The following KIRREL3 variants were observed in gnomAD, a reference collection of about 807,000 sequenced individuals.
KIRREL3 encodes kirre like nephrin family adhesion molecule 3.
A neutral mutation model predicts 89.7 loss-of-function variants in KIRREL3; 36 were observed. The ratio of observed to expected loss-of-function variants is 0.40; its 90% CI spans 0.31 to 0.53. The LOEUF is 0.53. Among genes scored for constraint, KIRREL3 ranks in the 20% least tolerant of loss-of-function variants. KIRREL3 has a pLI of 0.49. For synonymous variants in KIRREL3, 445 were observed against 441.4 expected, an observed-to-expected ratio of 1.01 and a Z score of -0.10; for missense variants, 864 against 1,056.6, an observed-to-expected ratio of 0.82 and a Z score of 2.53.
rs377593651 is a variant in KIRREL3 at position 126,535,074 on chromosome 11, C to T, written c.134-8387G>A. Among the ~76,000 whole-genome samples the T allele has an allele frequency of 6.6e-6, 1 of 151,976 alleles. No homozygotes were observed. The highest frequency in any genetic ancestry group is 2.4e-5 in the African/African-American group (1 of 41,382). The stretch of plus-strand genomic sequence containing the variant: ...GGGCAGGAGGTGGAGCATTTGGTGG[C>T]CTTTTGGGGGCTCTGGTTATGGGGC... On this transcript the variant is annotated intron_variant, in intron 2 of 16. Transcript: ENST00000525144. This position sits in a 1 kb window ranked among gnomAD's most constrained non-coding sequence, Gnocchi z 4.5.
In KIRREL3 at chr11:126,475,324, C is replaced by T. The variant is rs546410176; in HGVS notation, c.434-1858G>A. On this transcript the variant is annotated intron_variant, in intron 4 of 16. Coordinates refer to ENST00000525144, the MANE Select transcript of KIRREL3 (RefSeq NM_032531.4). This position sits in a 1 kb window ranked among gnomAD's most constrained non-coding sequence, Gnocchi z 7.5. ...CCCTCCCCTTCTCAGGGGATCGCCC[C>T]GTCAGCCCTTCTCCTAGTCCACTCC... 1.5e-4 allele frequency among the ~76,000 whole-genome samples: 23 copies of T among 152,274 alleles called. No individual in the cohort carries two copies. The highest frequency in any genetic ancestry group is 1.2e-3 in the East Asian group (6 of 5,172).
In KIRREL3 at chr11:126,476,037, T is replaced by C. The variant is rs1428997427; in HGVS notation, c.434-2571A>G. Among the ~76,000 whole-genome samples, 1 of 152,180 alleles carries C rather than the reference T, an allele frequency of 6.6e-6. No individual in the cohort carries two copies. Among genetic ancestry groups the C allele is most frequent in the Non-Finnish European group, 1.5e-5 (1 of 68,016 alleles). On this transcript the variant is annotated intron_variant, in intron 4 of 16. Transcript: ENST00000525144. This position sits in a 1 kb window ranked among gnomAD's most constrained non-coding sequence, Gnocchi z 6.4. The stretch of plus-strand genomic sequence containing the variant: ...CTTCCCAGTGACTGTGGAAAGTGCC[T>C]GAGAGCAGAGGGTGGAGCAGGAAGC...
intron 6 of KIRREL3, among the ~76,000 whole-genome samples, chr11:126,456,688 C>T (rs542650179): frequency 1.2e-4 from 18 of 152,258 alleles, no homozygotes; most frequent in Middle Eastern, 3.4e-3. Context: ...ACACGAACCC[C>T]GAGCCAGGAA....
rs1950131291 is a variant in KIRREL3, at chr11:126,994,784, C to G, written c.55+5671G>C. ...CCCCACCCTCTTGTGACCCTTGGCT[C>G]TATGGCACAGTGTGCTTTCTGAGAG... On this transcript the variant is annotated intron_variant, in intron 1 of 16. Transcript: ENST00000525144. The surrounding 1 kb of genome is among the most constrained non-coding windows in gnomAD (Gnocchi z 5.2). Among the ~76,000 whole-genome samples, 2 of 152,156 alleles carry G rather than the reference C, an allele frequency of 1.3e-5. No individual in the cohort carries two copies. Among genetic ancestry groups the G allele is most frequent in the African/African-American group, 2.4e-5 (1 of 41,434 alleles).
rs567582543 is a variant in KIRREL3 at position 126,703,739 on chromosome 11, G to A, written c.56-140827C>T. Among the ~76,000 whole-genome samples, 7 of 152,322 alleles carry A rather than the reference G, an allele frequency of 4.6e-5. No individual in the cohort carries two copies. Among genetic ancestry groups the A allele is most frequent in the South Asian group, 2.1e-4 (1 of 4,826 alleles). ...TCTGACTGCCTGGGCCAGTGTTTCC[G>A]TGCCAGAAACCCTGTCTCAGAGGGC... On this transcript the variant is annotated intron_variant, in intron 1 of 16. Transcript: ENST00000525144. The surrounding 1 kb of genome is among the most constrained non-coding windows in gnomAD (Gnocchi z 4.6).
chr11:126,519,362 A>G lies in KIRREL3; in HGVS notation c.433+1953T>C, dbSNP rs750838755. On this transcript the variant is annotated intron_variant, in intron 4 of 16. Transcript: ENST00000525144. The surrounding 1 kb of genome is among the most constrained non-coding windows in gnomAD (Gnocchi z 4.3). The stretch of plus-strand genomic sequence containing the variant: ...CTGAAAAATCTGGAGTTGATTTTGA[A>G]GGTTAATTAAGCTGTGTCACCTCCT... 1.4e-4 allele frequency among the ~76,000 whole-genome samples: 22 copies of G among 152,222 alleles called. No individual in the cohort carries two copies. Among genetic ancestry groups the G allele is most frequent in the Non-Finnish European group, 2.6e-4 (18 of 68,028 alleles).
rs1949088868 is a variant in KIRREL3 at position 126,744,764 on chromosome 11, T to C, written c.56-181852A>G. Among the ~76,000 whole-genome samples, 1 of 152,130 alleles carries C rather than the reference T, an allele frequency of 6.6e-6. No individual in the cohort carries two copies. The highest frequency in any genetic ancestry group is 1.5e-5 in the Non-Finnish European group (1 of 68,020). On this transcript the variant is annotated intron_variant, in intron 1 of 16. Transcript: ENST00000525144. The surrounding 1 kb of genome is among the most constrained non-coding windows in gnomAD (Gnocchi z 4.7). ...AATGCTCATGCCAATGTCAATGTTT[T>C]GAATGCTGCCTTCCCTGCTAGAATA...
intron 1 of KIRREL3, among the ~76,000 whole-genome samples, chr11:126,718,828 A>C (rs1308854029): frequency 2.0e-5 from 3 of 152,128 alleles, no homozygotes; most frequent in Admixed American, 2.0e-4. Flanking sequence ...CAGGAGCCCC[A>C]TTGATACGAT....
At chr11:126,730,448 T>C (rs1948571867) in intron 1 of KIRREL3, among the ~76,000 whole-genome samples, 1 of 152,246 alleles carries the variant, frequency 6.6e-6, no homozygotes, top group African/African-American at 2.4e-5. Context: ...CTTCAACCTG[T>C]GCCCATTCTC....
intron 1 of KIRREL3, among the ~76,000 whole-genome samples, chr11:126,753,580 C>T (rs1400680212): frequency 6.6e-6 from 1 of 152,184 alleles, no homozygotes; most frequent in Non-Finnish European, 1.5e-5. Flanking sequence ...TTCATTGACT[C>T]AATAACAACT....
At chr11:126,893,305 T>A (rs1945998868) in intron 1 of KIRREL3, among the ~76,000 whole-genome samples, 1 of 152,198 alleles carries the variant, frequency 6.6e-6, no homozygotes, top group South Asian at 2.1e-4. Context: ...AGGCAGCAAT[T>A]AGCAAAGGTA....
chr11:126,670,079 G>A (rs1245195334), intron 1 of KIRREL3, among the ~76,000 whole-genome samples: 1 of 152,088 alleles, frequency 6.6e-6, no homozygotes, highest in Non-Finnish European at 1.5e-5. Flanking sequence ...TCCAGAATCT[G>A]TTCACTTCTC....
intron 1 of KIRREL3, among the ~76,000 whole-genome samples, chr11:126,738,107 A>G (rs1403228850): frequency 6.6e-6 from 1 of 152,140 alleles, no homozygotes; most frequent in East Asian, 1.9e-4. Flanking sequence ...AGGGCAGGAG[A>G]ATGTAAATAC....
At position 126,629,976 on chromosome 11, in the gene KIRREL3, G is replaced by T. The variant is rs138452467; in HGVS notation, c.56-67064C>A. Reference sequence around the variant, plus strand: ...ATTCCCCAATTTCTGTGTATTGTCTGTTTTCTGCCAGGATCCTGATAGATT... The same window carrying T: ...ATTCCCCAATTTCTGTGTATTGTCTTTTTTCTGCCAGGATCCTGATAGATT... On this transcript the variant is annotated intron_variant, in intron 1 of 16. Coordinates refer to ENST00000525144, the MANE Select transcript of KIRREL3 (RefSeq NM_032531.4). 2.5e-3 allele frequency among the ~76,000 whole-genome samples: 376 copies of T among 152,314 alleles called. 1 individual carries two copies. The highest frequency in any genetic ancestry group is 4.3e-3 in the Non-Finnish European group (290 of 68,034).
rs539423710 is a variant in KIRREL3, at chr11:126,768,914, C to T, written c.56-206002G>A. Among the ~76,000 whole-genome samples the T allele has an allele frequency of 5.3e-5, 8 of 152,264 alleles. No homozygotes were observed. The highest frequency in any genetic ancestry group is 1.0e-4 in the Non-Finnish European group (7 of 68,014). Reference sequence around the variant, plus strand: ...TGTTGCTTCCCACATGCGTGGGAGCCGGTGAAGTGTTGTAAGCAGAGAAGT... The same window carrying T: ...TGTTGCTTCCCACATGCGTGGGAGCTGGTGAAGTGTTGTAAGCAGAGAAGT... On this transcript the variant is annotated intron_variant, in intron 1 of 16. Transcript: ENST00000525144. This position sits in a 1 kb window ranked among gnomAD's most constrained non-coding sequence, Gnocchi z 4.5.
At chr11:126,648,489 G>A (rs968144444) in intron 1 of KIRREL3, among the ~76,000 whole-genome samples, 2 of 152,128 alleles carry the variant, frequency 1.3e-5, no homozygotes, top group African/African-American at 2.4e-5. Flanking sequence ...TGCACCCCAC[G>A]CCTATAGGAG....
rs1182659760 is a variant in KIRREL3 at position 126,709,616 on chromosome 11, AAG to A, written c.56-146706_56-146705del. Among the ~76,000 whole-genome samples the A allele has an allele frequency of 4.6e-5, 7 of 152,188 alleles. No homozygotes were observed. The highest frequency in any genetic ancestry group is 3.9e-4 in the East Asian group (2 of 5,194). The stretch of plus-strand genomic sequence containing the variant: ...CCTGCATGACTGGTGTCCTTATAAA[AAG>A]AGAAAATTTGGACACAGAGGTACAG... On this transcript the variant is annotated intron_variant, in intron 1 of 16. Coordinates refer to ENST00000525144, the MANE Select transcript of KIRREL3 (RefSeq NM_032531.4). The surrounding 1 kb of genome is among the most constrained non-coding windows in gnomAD (Gnocchi z 4.0).
chr11:126,488,488 G>T (rs1034376010), intron 4 of KIRREL3, among the ~76,000 whole-genome samples: 1 of 152,276 alleles, frequency 6.6e-6, no homozygotes, highest in African/African-American at 2.4e-5. Flanking sequence ...TGGTCAGCAT[G>T]AAGACAAAGG....
chr11:126,638,984 A>G (rs1944370070), intron 1 of KIRREL3, among the ~76,000 whole-genome samples: 1 of 151,942 alleles, frequency 6.6e-6, no homozygotes, highest in African/African-American at 2.4e-5. Context: ...GTACACTTTA[A>G]TGATTTTTTT....
Sources: gnomAD v4.1 joint callset for allele counts (sites outside exome capture counted in the v4.1 genomes callset) on GRCh38, gnomAD v4.1.1 for gene constraint, Gnocchi (gnomAD v3.1) non-coding constraint, MANE v1.5 for transcripts, NCBI Gene and HGNC (gene_info 2026-07-23, HGNC 2026-07-21) for gene names.